Variants in GCNT2 observed in about 807,000 individuals in gnomAD.
GCNT2 encodes the protein glucosaminyl (N-acetyl) transferase 2 (I blood group).
Under a neutral mutation model 34.2 loss-of-function variants are expected in GCNT2, and 34 were observed. The observed-to-expected ratio is 1.00, with a 90% CI of 0.76 to 1.32. The LOEUF is 1.32. Ranked by LOEUF, GCNT2 falls within the 40% of genes most tolerant of loss-of-function variation. The probability of loss-of-function intolerance (pLI) is 0.00; values close to 1 mark genes in which losing one functional copy is unlikely to be tolerated. For synonymous variants in GCNT2, 212 were observed against 188.0 expected, an observed-to-expected ratio of 1.13 and a Z score of -1.04; for missense variants, 584 against 489.4, an observed-to-expected ratio of 1.19 and a Z score of -1.82.
chr6:10,599,417 A>G (rs1422214853), intron 3 of GCNT2, among the ~76,000 whole-genome samples: 1 of 152,196 alleles, frequency 6.6e-6, no homozygotes, highest in African/African-American at 2.4e-5. Flanking sequence ...TTCCACCAGA[A>G]TGAGGGAGCA....
chr6:10,599,163 C>A (rs1054266598), intron 3 of GCNT2, among the ~76,000 whole-genome samples: 1 of 152,270 alleles, frequency 6.6e-6, no homozygotes, highest in South Asian at 2.1e-4. Flanking sequence ...AGTACCAGAG[C>A]TCATCCTGCA....
chr6:10,607,662 A>G (rs1765382617), intron 3 of GCNT2, among the ~76,000 whole-genome samples: 1 of 152,160 alleles, frequency 6.6e-6, no homozygotes, highest in South Asian at 2.1e-4. Flanking sequence ...TTTGAATGCA[A>G]TATAATTTAT....
At chr6:10,588,784 GATGT>G (rs1195928332) in intron 3 of GCNT2, among the ~76,000 whole-genome samples, 3 of 97,296 alleles carry the variant, frequency 3.1e-5, no homozygotes, top group Admixed American at 1.2e-4. Flanking sequence ...GTGTGTGTGT[GATGT>G]GTGTGTGTGT....
At chr6:10,603,990 G>A (rs6904399) in intron 3 of GCNT2, among the ~76,000 whole-genome samples, 67,162 of 151,316 alleles carry the variant, frequency 0.44, 16,627 homozygotes, top group East Asian at 0.64. Flanking sequence ...CCGCCGCCCC[G>A]GTTCAAACGA....
At chr6:10,594,600 G>C (rs1764770954) in intron 3 of GCNT2, among the ~76,000 whole-genome samples, 2 of 152,136 alleles carry the variant, frequency 1.3e-5, no homozygotes, top group Admixed American at 6.5e-5. Context: ...TTTTAAAAAT[G>C]GGGTAAAATG....
At chr6:10,542,791 A>C (rs961408490) in intron 3 of GCNT2, among the ~76,000 whole-genome samples, 14 of 151,374 alleles carry the variant, frequency 9.2e-5, no homozygotes, top group Non-Finnish European at 1.8e-4. Flanking sequence ...TTGTGTGAAG[A>C]ATGTTGCTAT....
intron 3 of GCNT2, among the ~76,000 whole-genome samples, chr6:10,560,784 T>C (rs1015991880): frequency 6.6e-5 from 10 of 152,176 alleles, no homozygotes; most frequent in African/African-American, 2.4e-4. Flanking sequence ...ACTTCTCTTT[T>C]GGTTTTCAAC....
chr6:10,539,262 C>T (rs112262022), intron 3 of GCNT2, among the ~76,000 whole-genome samples: 6,924 of 142,084 alleles, frequency 0.049, 564 homozygotes, highest in African/African-American at 0.17. Context: ...CGATCTCGGC[C>T]CACTGCAACC....
At chr6:10,535,951 A>G (rs1355119125) in intron 3 of GCNT2, among the ~76,000 whole-genome samples, 2 of 152,146 alleles carry the variant, frequency 1.3e-5, no homozygotes, top group Non-Finnish European at 2.9e-5. Context: ...TGAACCCTAA[A>G]TGTGGGTGGC....
intron 3 of GCNT2, among the ~76,000 whole-genome samples, chr6:10,583,758 T>C (rs1764220867): frequency 6.6e-6 from 1 of 152,158 alleles, no homozygotes; most frequent in South Asian, 2.1e-4. Context: ...TGACCTCAAA[T>C]CTGAGGTTGT....
chr6:10,567,160 A>T (rs1191466342), intron 3 of GCNT2, among the ~76,000 whole-genome samples: 1 of 152,154 alleles, frequency 6.6e-6, no homozygotes, highest in African/African-American at 2.4e-5. Context: ...CTCAACAAAA[A>T]AATAATAAAA....
intron 3 of GCNT2, among the ~76,000 whole-genome samples, chr6:10,592,798 G>A (rs1426767605): frequency 1.3e-5 from 2 of 152,114 alleles, no homozygotes; most frequent in African/African-American, 4.8e-5. Context: ...ATGGAGTGCA[G>A]TGGTGTGGTC....
intron 3 of GCNT2, among the ~76,000 whole-genome samples, chr6:10,595,466 A>G (rs1054770329): frequency 2.0e-5 from 3 of 151,834 alleles, no homozygotes; most frequent in African/African-American, 7.3e-5. Flanking sequence ...TTTAGTAGAG[A>G]TGGGGTTTCA....
chr6:10,575,990 G>A (rs1436977488), intron 3 of GCNT2, among the ~76,000 whole-genome samples: 1 of 152,152 alleles, frequency 6.6e-6, no homozygotes, highest in Non-Finnish European at 1.5e-5. Flanking sequence ...GCACCCAGGT[G>A]AAATAAACAG....
At chr6:10,580,369 G>C (rs940946919) in intron 3 of GCNT2, among the ~76,000 whole-genome samples, 1 of 152,146 alleles carries the variant, frequency 6.6e-6, no homozygotes, top group Non-Finnish European at 1.5e-5. Context: ...GGCCCTGCTC[G>C]TCTGACCCTT....
chr6:10,560,394 C>T (rs1290562088), intron 3 of GCNT2, among the ~76,000 whole-genome samples: 2 of 152,076 alleles, frequency 1.3e-5, no homozygotes, highest in East Asian at 3.9e-4. Context: ...CCGGGCTGAG[C>T]TCTTCTATTT....
intron 3 of GCNT2, among the ~76,000 whole-genome samples, chr6:10,537,742 G>T (rs1438337574): frequency 8.4e-6 from 1 of 118,482 alleles, no homozygotes; most frequent in South Asian, 2.6e-4. Flanking sequence ...CAAAGAAAAC[G>T]AAAGAAAATG....
intron 3 of GCNT2, among the ~76,000 whole-genome samples, chr6:10,580,434 C>T (rs775674506): frequency 1.3e-5 from 2 of 152,164 alleles, no homozygotes; most frequent in East Asian, 3.9e-4. Context: ...GTGCCTGAAT[C>T]CGTCCTACAA....
chr6:10,621,548 A>G, intron 4 of GCNT2, 105 bp downstream of exon 4: 1 of 751,476 alleles, frequency 1.3e-6, no homozygotes, highest in South Asian at 1.5e-5. Flanking sequence ...TGCTATATTT[A>G]GACCAATCTG....
Sources: gnomAD v4.1 joint callset for allele counts (sites outside exome capture counted in the v4.1 genomes callset) on GRCh38, gnomAD v4.1.1 for gene constraint, MANE v1.5 for transcripts, NCBI Gene and HGNC (gene_info 2026-07-23, HGNC 2026-07-21) for gene names.